Variants in SUMF1 observed in about 807,000 individuals in gnomAD.
SUMF1 encodes the protein sulfatase modifying factor 1.
SUMF1 carries 48 observed loss-of-function variants against 47.6 expected under a neutral mutation model. That is an observed-to-expected ratio of 1.01 (90% CI 0.80 to 1.28). The LOEUF (loss-of-function observed/expected upper bound fraction) is 1.28, where lower values mean the gene tolerates loss of function less well. Among genes scored for constraint, SUMF1 ranks in the 50% most tolerant of loss-of-function variants. SUMF1 has a pLI of 0.00. For synonymous variants in SUMF1, 230 were observed against 192.1 expected (o/e 1.20, Z -1.63); for missense variants, 571 against 485.4 (o/e 1.18, Z -1.66).
chr3:4,261,943 T>C (rs1559627151), intron 8 of SUMF1, among the ~76,000 whole-genome samples: 3 of 152,186 alleles, frequency 2.0e-5, no homozygotes, highest in African/African-American at 7.2e-5. Context: ...ATGTGCATTT[T>C]AGCCAGATTT....
chr3:4,108,768 A>G (rs1231895818), intron 8 of SUMF1, among the ~76,000 whole-genome samples: 7 of 151,596 alleles, frequency 4.6e-5, no homozygotes, highest in African/African-American at 1.2e-4. Flanking sequence ...TCTGTTTTCC[A>G]TTTGCTTGGT....
chr3:4,399,226 C>T (rs1430618247), intron 7 of SUMF1, among the ~76,000 whole-genome samples: 3 of 152,126 alleles, frequency 2.0e-5, no homozygotes, highest in African/African-American at 7.2e-5. Flanking sequence ...ACCCCAGAAG[C>T]ACAGCAGTCT....
At chr3:4,134,932 A>T (rs1693887901) in intron 8 of SUMF1, among the ~76,000 whole-genome samples, 2 of 152,192 alleles carry the variant, frequency 1.3e-5, no homozygotes, top group African/African-American at 4.8e-5. Flanking sequence ...GACGAAGTTG[A>T]ATCTCTGAAT....
At chr3:4,244,397 A>C (rs1282132686) in intron 8 of SUMF1, among the ~76,000 whole-genome samples, 3 of 152,302 alleles carry the variant, frequency 2.0e-5, no homozygotes, top group East Asian at 3.9e-4. Context: ...GGCTGGTATC[A>C]GTTGTTCCTT....
intron 9 of SUMF1, among the ~76,000 whole-genome samples, chr3:4,057,804 T>C (rs1695217389): frequency 6.6e-6 from 1 of 152,102 alleles, no homozygotes; most frequent in African/African-American, 2.4e-5. Context: ...GATAGATTAT[T>C]TTTAACAACA....
At chr3:4,241,616 T>G (rs1696539042) in intron 8 of SUMF1, among the ~76,000 whole-genome samples, 1 of 152,166 alleles carries the variant, frequency 6.6e-6, no homozygotes, top group African/African-American at 2.4e-5. Flanking sequence ...TTTCTTTCTA[T>G]CAACAATTAT....
chr3:4,241,623 T>C (rs994436531), intron 8 of SUMF1, among the ~76,000 whole-genome samples: 4 of 152,152 alleles, frequency 2.6e-5, no homozygotes, highest in African/African-American at 7.2e-5. Context: ...CTATCAACAA[T>C]TATTTGTTTG....
chr3:4,248,746 G>A (rs1418985005), intron 8 of SUMF1, among the ~76,000 whole-genome samples: 1 of 152,176 alleles, frequency 6.6e-6, no homozygotes, highest in South Asian at 2.1e-4. Context: ...GCAACATGGG[G>A]TGGCTATTGA....
At chr3:4,420,373 T>C (rs1392553663) in intron 3 of SUMF1, among the ~76,000 whole-genome samples, 2 of 151,248 alleles carry the variant, frequency 1.3e-5, no homozygotes, top group Non-Finnish European at 2.9e-5. Flanking sequence ...TACATATGTA[T>C]TTAAATGGTG....
intron 8 of SUMF1, among the ~76,000 whole-genome samples, chr3:4,307,340 C>A (rs935623825): frequency 2.0e-5 from 3 of 152,138 alleles, no homozygotes; most frequent in Admixed American, 2.0e-4. Context: ...TGGATAGGAA[C>A]CCCACCCCCA....
chr3:4,277,131 C>T (rs141255377), intron 8 of SUMF1, among the ~76,000 whole-genome samples: 1 of 152,198 alleles, frequency 6.6e-6, no homozygotes, highest in Non-Finnish European at 1.5e-5. Flanking sequence ...ACTCCCAATC[C>T]CCCAATCCCT....
At chr3:4,115,260 C>A (rs1024873448) in intron 8 of SUMF1, among the ~76,000 whole-genome samples, 2 of 152,104 alleles carry the variant, frequency 1.3e-5, no homozygotes, top group African/African-American at 4.8e-5. Context: ...CACTCCATCT[C>A]CCTTCTGTCC....
intron 8 of SUMF1, among the ~76,000 whole-genome samples, chr3:4,309,408 CAG>C (rs1201120003): frequency 3.3e-5 from 5 of 152,126 alleles, no homozygotes; most frequent in African/African-American, 1.2e-4. Context: ...TTTTGGTTAA[CAG>C]AGTACATTTT....
At chr3:4,154,386 A>C (rs895552799) in intron 8 of SUMF1, among the ~76,000 whole-genome samples, 2 of 151,518 alleles carry the variant, frequency 1.3e-5, no homozygotes, top group African/African-American at 4.9e-5. Context: ...ATTCACTTAA[A>C]ATTTAAAGAA....
At chr3:4,394,793 C>A (rs150950098) in intron 7 of SUMF1, among the ~76,000 whole-genome samples, 1 of 152,160 alleles carries the variant, frequency 6.6e-6, no homozygotes, top group East Asian at 1.9e-4. Flanking sequence ...TCTCTGGGTC[C>A]TGGGCAGGTC....
chr3:4,430,612 C>T (rs546316994), intron 3 of SUMF1, among the ~76,000 whole-genome samples: 12 of 141,320 alleles, frequency 8.5e-5, no homozygotes, highest in African/African-American at 2.4e-4. Context: ...TCCGCAAATA[C>T]TTGGTGAGCA....
intron 1 of SUMF1, among the ~76,000 whole-genome samples, chr3:4,453,968 T>C (rs1449157741): frequency 2.6e-5 from 4 of 152,140 alleles, no homozygotes; most frequent in African/African-American, 9.7e-5. Flanking sequence ...CAGCCCCACT[T>C]TTTTCTTTAT....
At chr3:4,463,140 AG>A (rs1225468866) in intron 1 of SUMF1, among the ~76,000 whole-genome samples, 8 of 152,026 alleles carry the variant, frequency 5.3e-5, no homozygotes, top group African/African-American at 1.9e-4. Flanking sequence ...TGGGGGATAT[AG>A]AGATTAAAAC....
At chr3:4,386,352 T>C (rs1700673810) in intron 7 of SUMF1, among the ~76,000 whole-genome samples, 1 of 152,186 alleles carries the variant, frequency 6.6e-6, no homozygotes, top group African/African-American at 2.4e-5. Context: ...ACATAAACAT[T>C]TCATTTGGTT....
Sources: allele counts gnomAD v4.1 joint callset (sites outside exome capture counted in the v4.1 genomes callset), GRCh38; gene constraint gnomAD v4.1.1; transcripts MANE v1.5; gene names NCBI Gene and HGNC (gene_info 2026-07-23, HGNC 2026-07-21).